Variants in CSMD2 observed in about 807,000 individuals in gnomAD.
The protein encoded by CSMD2 is CUB and Sushi multiple domains 2, also known as CUB and sushi domain-containing protein 2.
In CSMD2, 130 loss-of-function variants were observed where a neutral mutation model predicts 398.5. The observed-to-expected ratio is 0.33, with a 90% CI of 0.28 to 0.38. The LOEUF is 0.38. CSMD2 is among the 10% of genes least tolerant of loss of function. The pLI is 1.00. For missense variants in CSMD2, 3,829 were observed against 4,764.9 expected, an observed-to-expected ratio of 0.80 and a Z score of 5.78; for synonymous variants, 1,828 against 1,908.5, an observed-to-expected ratio of 0.96 and a Z score of 1.10.
At position 33,692,910 on chromosome 1, in the gene CSMD2, T is replaced by G; in HGVS notation, c.4052+20A>C. On this transcript the variant is annotated intron_variant, in intron 25 of 70. Transcript: ENST00000373381. The stretch of plus-strand genomic sequence containing the variant: ...CCCTGAACAACTGGCGATAGTTACT[T>G]TGTCAGCCCTGACACTTACCCAATG... 1 of 1,606,936 alleles carries G rather than the reference T, an allele frequency of 6.2e-7. No homozygotes were observed. Among genetic ancestry groups the G allele is most frequent in the Non-Finnish European group, 8.5e-7 (1 of 1,176,984 alleles).
At chr1:34,017,617 T>C (rs1186549420) in intron 3 of CSMD2, among the ~76,000 whole-genome samples, 1 of 152,120 alleles carries the variant, frequency 6.6e-6, no homozygotes, top group Admixed American at 6.5e-5. Flanking sequence ...AGTATAGTGG[T>C]GCACACCTGT....
At chr1:33,754,191 T>C (rs56187458) in intron 13 of CSMD2, among the ~76,000 whole-genome samples, 18,816 of 152,210 alleles carry the variant, frequency 0.12, 1,516 homozygotes, top group Non-Finnish European at 0.18. Context: ...TCCTTAATGT[T>C]GGACATGGGG....
intron 29 of CSMD2, among the ~76,000 whole-genome samples, chr1:33,637,855 G>A (rs1416961656): frequency 6.6e-6 from 1 of 152,158 alleles, no homozygotes. Context: ...AGGGATCAGT[G>A]TTCATTCATC....
chr1:33,882,086 T>A (rs1189942700), intron 5 of CSMD2: 2 of 152,340 alleles, frequency 1.3e-5, no homozygotes, highest in Admixed American at 6.5e-5. Flanking sequence ...AAAAGTGGTA[T>A]CCACATTTCA....
chr1:34,160,702 G>C (rs1310157629), intron 1 of CSMD2, among the ~76,000 whole-genome samples: 7 of 152,160 alleles, frequency 4.6e-5, no homozygotes, highest in African/African-American at 1.7e-4. Flanking sequence ...CCTTCAGTAA[G>C]CTCACATTTT....
Position 33,663,235 on chromosome 1 carries a change from G to T in CSMD2, c.4053-143C>A, listed in dbSNP as rs1401668509. ...CGAAGCCCAGCAGGAGGGGAGAGAA[G>T]GCAGCGTCTGGCAGCATCCTCATTT... On this transcript the variant is annotated intron_variant, in intron 25 of 70. Transcript: ENST00000373381. 15 of 642,662 alleles carry T rather than the reference G, an allele frequency of 2.3e-5. No individual in the cohort carries two copies. In the East Asian group the frequency reaches 4.1e-4, roughly 18 times the overall value. The allele number at this position is 642,662 out of a possible 1,614,324, so 39.8% of individuals were successfully genotyped here.
intron 50 of CSMD2, 147 bp downstream of exon 50, chr1:33,572,359 C>T: frequency 1.4e-6 from 1 of 732,748 alleles, no homozygotes. Flanking sequence ...CACCTGCCTC[C>T]TCTTCTGAAA....
intron 25 of CSMD2, among the ~76,000 whole-genome samples, chr1:33,679,694 T>A (rs1329768672): frequency 1.3e-5 from 2 of 152,170 alleles, no homozygotes; most frequent in African/African-American, 4.8e-5. Flanking sequence ...ATAATTCCAT[T>A]TTTGTTCAAT....
rs530084365 is a variant in CSMD2, at chr1:33,999,945, T to C, written c.517+32649A>G. 2.6e-5 allele frequency among the ~76,000 whole-genome samples: 4 copies of C among 152,344 alleles called. No homozygotes were observed. In the South Asian group the frequency reaches 8.3e-4, roughly 32 times the overall value. On this transcript the variant is annotated intron_variant, in intron 3 of 70. Transcript: ENST00000373381. ...AAACAACACTGAAAAGGGAGATTTC[T>C]TTTTAAAGATGTCCAGTGAAGGTAT...
chr1:33,813,960 T>G (rs1657160534), intron 9 of CSMD2: 1 of 152,768 alleles, frequency 6.5e-6, no homozygotes, highest in Non-Finnish European at 1.5e-5. Flanking sequence ...CCTATGCCAC[T>G]GCCTCCTATG....
At chr1:34,037,616 C>A (rs1021458611) in intron 2 of CSMD2, among the ~76,000 whole-genome samples, 3 of 152,230 alleles carry the variant, frequency 2.0e-5, no homozygotes, top group Non-Finnish European at 4.4e-5. Flanking sequence ...TTGTCTCTCA[C>A]CCATGTCTAC....
intron 56 of CSMD2, 115 bp from the exon 57 acceptor site, chr1:33,546,334 G>A: frequency 3.9e-6 from 4 of 1,037,382 alleles, no homozygotes; most frequent in Non-Finnish European, 4.2e-6. Context: ...TCCCACGAAT[G>A]AGGCCTAGCA....
At chr1:34,094,036 T>G (rs1028652994) in intron 1 of CSMD2, among the ~76,000 whole-genome samples, 1 of 149,290 alleles carries the variant, frequency 6.7e-6, no homozygotes, top group Admixed American at 6.7e-5. Context: ...CAAAGGGAAG[T>G]CCATCAGACT....
At chr1:33,711,549 T>C (rs1645990387) in intron 21 of CSMD2, among the ~76,000 whole-genome samples, 2 of 152,238 alleles carry the variant, frequency 1.3e-5, no homozygotes, top group Admixed American at 6.5e-5. Context: ...ATGGATTACC[T>C]GCTTCCATTT....
At chr1:34,151,725 C>T (rs1356782954) in intron 1 of CSMD2, among the ~76,000 whole-genome samples, 2 of 152,092 alleles carry the variant, frequency 1.3e-5, no homozygotes, top group Admixed American at 1.3e-4. Flanking sequence ...AAAGGACTTG[C>T]TGACTCAGCC....
intron 25 of CSMD2, among the ~76,000 whole-genome samples, chr1:33,689,369 T>C (rs970152002): frequency 6.6e-6 from 1 of 152,192 alleles, no homozygotes; most frequent in Non-Finnish European, 1.5e-5. Context: ...ACTGATGTTA[T>C]CTTTACCTTC....
At chr1:33,593,087 G>A (rs776152639) in intron 44 of CSMD2, among the ~76,000 whole-genome samples, 7 of 152,142 alleles carry the variant, frequency 4.6e-5, no homozygotes, top group Admixed American at 6.5e-5. Context: ...CTGTACTAAC[G>A]TTATTAATAA....
rs897004973 is a variant in CSMD2 at position 33,743,525 on chromosome 1, T to A, written c.1928A>T (p.His643Leu). The change falls in exon 14 of 71, where the codon CAC becomes CTC. Residue 643 changes from histidine to leucine, a missense_variant. Coordinates refer to ENST00000373381, the MANE Select transcript of CSMD2 (RefSeq NM_001281956.2). The stretch of plus-strand genomic sequence containing the variant: ...CCTGGCCAGGATGAGCCAGACACAG[T>A]GGAGGTGGTTGCCATAGTCCTCTGG... The part of the protein sequence containing the change: ...NYPEDYGNHL[H>L]CVWLILARPE... The A allele has an allele frequency of 6.2e-7, 1 of 1,613,822 alleles. No homozygotes were observed.
At chr1:33,784,888 A>T (rs1271838867) in intron 12 of CSMD2, among the ~76,000 whole-genome samples, 5 of 152,192 alleles carry the variant, frequency 3.3e-5, no homozygotes, top group Non-Finnish European at 2.9e-5. Flanking sequence ...CAAGTCGGGG[A>T]ACTGAGGCTC....
Sources: gnomAD v4.1 joint callset for allele counts (sites outside exome capture counted in the v4.1 genomes callset) on GRCh38, gnomAD v4.1.1 for gene constraint, MANE v1.5 for transcripts, NCBI Gene and HGNC (gene_info 2026-07-23, HGNC 2026-07-21) for gene names.